Variants in NUDT5 observed in about 807,000 individuals in gnomAD.
The protein encoded by NUDT5 is ADP-sugar pyrophosphatase.
A neutral mutation model predicts 34.1 loss-of-function variants in NUDT5; 21 were observed. The observed-to-expected ratio is 0.62, with a 90% CI of 0.44 to 0.89. NUDT5 has a LOEUF of 0.89. Among genes scored for constraint, NUDT5 ranks in the 40% least tolerant of loss-of-function variants. NUDT5 has a pLI of 0.00. For synonymous variants in NUDT5, 85 were observed against 97.6 expected (o/e 0.87, Z 0.76); for missense variants, 249 against 274.8 (o/e 0.91, Z 0.66).
At chr10:12,180,079 A>T (rs1480201034) in intron 3 of NUDT5, among the ~76,000 whole-genome samples, 1 of 152,206 alleles carries the variant, frequency 6.6e-6, no homozygotes, top group Non-Finnish European at 1.5e-5. Context: ...GAGCTGCAAG[A>T]TATCCTCCTC....
rs1188269102 is a variant in NUDT5 at position 12,171,563 on chromosome 10, GGGT to G, written c.488-658_488-656del. Reference sequence around the variant, plus strand: ...TATGAGTCCCTGTTTCACTTCTTCTGGGTGTAGACTTAGGAGATGAAATGCCAG... The same window carrying G: ...TATGAGTCCCTGTTTCACTTCTTCTGGTAGACTTAGGAGATGAAATGCCAG... On this transcript the variant is annotated intron_variant, in intron 7 of 9. Coordinates refer to ENST00000491614, the MANE Select transcript of NUDT5 (RefSeq NM_014142.4). This position sits in a 1 kb window ranked among gnomAD's most constrained non-coding sequence, Gnocchi z 4.2. Among the ~76,000 whole-genome samples the G allele has an allele frequency of 1.3e-5, 2 of 152,058 alleles. No individual in the cohort carries two copies. The highest frequency in any genetic ancestry group is 4.8e-5 in the African/African-American group (2 of 41,398).
In NUDT5 at chr10:12,165,977, A is replaced by T. The variant is rs1208853077; in HGVS notation, c.*1725T>A. On this transcript the variant is annotated 3_prime_UTR_variant, in exon 10 of 10. Coordinates refer to ENST00000491614, the MANE Select transcript of NUDT5 (RefSeq NM_014142.4). ...TACATAGGAAACCTTCAGTTTTTAA[A>T]TGCAGGGCAAATAAACATTTTTAAA... The T allele has an allele frequency of 6.6e-6, 1 of 152,242 alleles. No homozygotes were observed. The highest frequency in any genetic ancestry group is 2.4e-5 in the African/African-American group (1 of 41,458). The allele number at this position is 152,242 out of a possible 1,614,324, so 9.4% of individuals were successfully genotyped here.
chr10:12,195,844 G>A lies in NUDT5; in HGVS notation c.-116C>T, dbSNP rs1398960986. Reference sequence around the variant, plus strand: ...GGCAGCAGTGTCAGCCGATGCCGGTGCCACGGCTCGAAACACCGGCGCCTC... The same window carrying A: ...GGCAGCAGTGTCAGCCGATGCCGGTACCACGGCTCGAAACACCGGCGCCTC... On this transcript the variant is annotated 5_prime_UTR_variant, in exon 1 of 10. Transcript: ENST00000491614. 2 of 232,772 alleles carry A rather than the reference G, an allele frequency of 8.6e-6. No individual in the cohort carries two copies. The highest frequency in any genetic ancestry group is 4.6e-5 in the African/African-American group (2 of 43,148). The allele number at this position is 232,772 out of a possible 1,614,324, so 14.4% of individuals were successfully genotyped here.
chr10:12,170,651 C>T lies in NUDT5; in HGVS notation c.550+66G>A. On this transcript the variant is annotated intron_variant, in intron 9 of 9. Coordinates refer to ENST00000491614, the MANE Select transcript of NUDT5 (RefSeq NM_014142.4). This position sits in a 1 kb window ranked among gnomAD's most constrained non-coding sequence, Gnocchi z 4.9. ...TAAAGAAATGGAGTTATATTTAGTA[C>T]CCAGTTTGCTGGGATGGGGACGGGG... The T allele has an allele frequency of 1.4e-6, 2 of 1,397,742 alleles. No homozygotes were observed. The highest frequency in any genetic ancestry group is 1.4e-5 in the African/African-American group (1 of 70,522). The allele number at this position is 1,397,742 out of a possible 1,614,324, so 86.6% of individuals were successfully genotyped here.
Position 12,170,155 on chromosome 10 carries a change from C to T in NUDT5, c.550+562G>A. ...CCCATAAGCTTACTGTTTACAAAGT[C>T]TCTAAAAGATGGGTGGCCAAGAATT... On this transcript the variant is annotated intron_variant, in intron 9 of 9. Transcript: ENST00000491614. This position sits in a 1 kb window ranked among gnomAD's most constrained non-coding sequence, Gnocchi z 4.9. 6.2e-7 allele frequency: 1 copy of T among 1,612,574 alleles called. No homozygotes were observed. The highest frequency in any genetic ancestry group is 8.5e-7 in the Non-Finnish European group (1 of 1,179,664).
Position 12,166,896 on chromosome 10 carries a change from G to T in NUDT5, c.*806C>A. On this transcript the variant is annotated 3_prime_UTR_variant, in exon 10 of 10. Coordinates refer to ENST00000491614, the MANE Select transcript of NUDT5 (RefSeq NM_014142.4). Reference sequence around the variant, plus strand: ...TGAACTACTCTGTATTGGGTTTCAGGTACTGGCTGATCTTGCTGGTTCTGT... The same window carrying T: ...TGAACTACTCTGTATTGGGTTTCAGTTACTGGCTGATCTTGCTGGTTCTGT... 1 of 333,020 alleles carries T rather than the reference G, an allele frequency of 3.0e-6. No individual in the cohort carries two copies. The highest frequency in any genetic ancestry group is 2.4e-5 in the South Asian group (1 of 40,932). 20.6% of individuals were successfully genotyped at this position (333,020 alleles called of 1,614,324 possible). A position where few individuals can be genotyped will look rare whatever the true frequency, so the allele number is the denominator to read the frequency against.
chr10:12,176,460 C>T (rs575890784), intron 5 of NUDT5, among the ~76,000 whole-genome samples: 3 of 151,558 alleles, frequency 2.0e-5, no homozygotes, highest in African/African-American at 4.8e-5. Context: ...AAAAATTAGC[C>T]GGGTGTGGTG....
chr10:12,176,616 T>C (rs1834954230), intron 5 of NUDT5, among the ~76,000 whole-genome samples: 1 of 151,786 alleles, frequency 6.6e-6, no homozygotes, highest in Non-Finnish European at 1.5e-5. Context: ...ATAATAATAA[T>C]AAAACGTATA....
At chr10:12,195,180 T>C (rs1835312412) in intron 1 of NUDT5, among the ~76,000 whole-genome samples, 1 of 152,100 alleles carries the variant, frequency 6.6e-6, no homozygotes, top group Non-Finnish European at 1.5e-5. Flanking sequence ...TAAAAGCAGC[T>C]AGTTACTTCT....
chr10:12,185,078 C>A, intron 2 of NUDT5, 122 bp from the exon 3 acceptor site: 3 of 581,310 alleles, frequency 5.2e-6, no homozygotes, highest in Non-Finnish European at 9.2e-6. Context: ...CTTTCCTTCC[C>A]AATAATCTGT....
Position 12,169,314 on chromosome 10 carries a change from T to C in NUDT5, c.550+1403A>G. ...GAAGGAAGACATTTTACAAAAAGGA[T>C]ACTCTTCTACTAAAAGATAACCCCG... On this transcript the variant is annotated intron_variant, in intron 9 of 9. Transcript: ENST00000491614. This position sits in a 1 kb window ranked among gnomAD's most constrained non-coding sequence, Gnocchi z 4.8. 1 of 1,554,434 alleles carries C rather than the reference T, an allele frequency of 6.4e-7. No homozygotes were observed. Among genetic ancestry groups the C allele is most frequent in the Non-Finnish European group, 8.7e-7 (1 of 1,147,456 alleles).
At position 12,168,867 on chromosome 10, in the gene NUDT5, A is replaced by T. The variant is rs1393558203; in HGVS notation, c.551-1056T>A. On this transcript the variant is annotated intron_variant, in intron 9 of 9. Coordinates refer to ENST00000491614, the MANE Select transcript of NUDT5 (RefSeq NM_014142.4). This position sits in a 1 kb window ranked among gnomAD's most constrained non-coding sequence, Gnocchi z 4.8. ...AACCTGCGCCTCCCGGGTTCAAGCG[A>T]TTCTCCTGCCCCAGCCTCCTGAGTA... Among the ~76,000 whole-genome samples, 4 of 152,012 alleles carry T rather than the reference A, an allele frequency of 2.6e-5. No homozygotes were observed. The highest frequency in any genetic ancestry group is 2.9e-5 in the Non-Finnish European group (2 of 67,964).
chr10:12,178,147 A>AC (rs36018607), intron 4 of NUDT5, among the ~76,000 whole-genome samples: 150,378 of 152,318 alleles, frequency 0.99, 74,271 homozygotes, highest in East Asian at 1. Flanking sequence ...TAAAATCGGA[A>AC]TAAAACGAAA....
chr10:12,186,487 G>A (rs1230850569), intron 1 of NUDT5, among the ~76,000 whole-genome samples, 155 bp from the exon 2 acceptor site: 1 of 152,198 alleles, frequency 6.6e-6, no homozygotes, highest in Non-Finnish European at 1.5e-5. Flanking sequence ...AGGTGGAAAT[G>A]TGAACAGGGA....
In NUDT5 at chr10:12,170,664, G is replaced by GA; in HGVS notation, c.550+52dup. Reference sequence around the variant, plus strand: ...TTATATTTAGTACCCAGTTTGCTGGGATGGGGACGGGGAGAACTGGAGAAA... The same window carrying GA: ...TTATATTTAGTACCCAGTTTGCTGGGAATGGGGACGGGGAGAACTGGAGAAA... On this transcript the variant is annotated intron_variant, in intron 9 of 9. Coordinates refer to ENST00000491614, the MANE Select transcript of NUDT5 (RefSeq NM_014142.4). This position sits in a 1 kb window ranked among gnomAD's most constrained non-coding sequence, Gnocchi z 4.9. 6.5e-7 allele frequency: 1 copy of GA among 1,533,984 alleles called. No homozygotes were observed. The highest frequency in any genetic ancestry group is 9.0e-7 in the Non-Finnish European group (1 of 1,108,754).
intron 1 of NUDT5, among the ~76,000 whole-genome samples, chr10:12,189,655 C>A (rs1243621324): frequency 6.6e-6 from 1 of 152,088 alleles, no homozygotes; most frequent in Non-Finnish European, 1.5e-5. Flanking sequence ...CCAGTCACTG[C>A]CAGCAACACG....
chr10:12,189,205 A>G (rs1387156398), intron 1 of NUDT5, among the ~76,000 whole-genome samples: 1 of 152,150 alleles, frequency 6.6e-6, no homozygotes, highest in Non-Finnish European at 1.5e-5. Context: ...TCACGGATTC[A>G]AGCGATTCTC....
chr10:12,194,309 T>G (rs1835291525), intron 1 of NUDT5, among the ~76,000 whole-genome samples: 1 of 152,284 alleles, frequency 6.6e-6, no homozygotes, highest in African/African-American at 2.4e-5. Context: ...CCCCCATCGA[T>G]GCTAACATCT....
Position 12,181,679 on chromosome 10 carries a change from C to T in NUDT5, c.132-2547G>A, listed in dbSNP as rs1268919326. Among the ~76,000 whole-genome samples, 2 of 151,874 alleles carry T rather than the reference C, an allele frequency of 1.3e-5. No individual in the cohort carries two copies. Among genetic ancestry groups the T allele is most frequent in the Non-Finnish European group, 2.9e-5 (2 of 67,988 alleles). On this transcript the variant is annotated intron_variant, in intron 3 of 9. Transcript: ENST00000491614. This position sits in a 1 kb window ranked among gnomAD's most constrained non-coding sequence, Gnocchi z 5.0. ...ACCTGCAGAGGGAAGTCGCCGTGTG[C>T]GTGCAAAGGATATATCGGGCCGGGT...
Sources: gnomAD v4.1 joint callset for allele counts (sites outside exome capture counted in the v4.1 genomes callset) on GRCh38, gnomAD v4.1.1 for gene constraint, Gnocchi (gnomAD v3.1) non-coding constraint, MANE v1.5 for transcripts, NCBI Gene and HGNC (gene_info 2026-07-23, HGNC 2026-07-21) for gene names.